XRCC4: variants seen among roughly 807,000 people sequenced by gnomAD.
The protein encoded by XRCC4 is X-ray repair cross complementing 4, also known as DNA repair protein XRCC4.
In XRCC4, 28 loss-of-function variants were observed where a neutral mutation model predicts 39.1. That is an observed-to-expected ratio of 0.72 (90% CI 0.53 to 0.98). The LOEUF (loss-of-function observed/expected upper bound fraction) is 0.98, where lower values mean the gene tolerates loss of function less well. XRCC4 is among the 50% of genes least tolerant of loss of function. The pLI, the probability that XRCC4 is intolerant of heterozygous loss-of-function variation, is 0.00. For missense variants in XRCC4, 350 were observed against 376.4 expected (o/e 0.93, Z 0.58); for synonymous variants, 123 against 126.4 (o/e 0.97, Z 0.18).
At chr5:83,190,399 A>C (rs2112681009) in intron 3 of XRCC4, among the ~76,000 whole-genome samples, 1 of 152,342 alleles carries the variant, frequency 6.6e-6, no homozygotes, top group East Asian at 1.9e-4. Context: ...TGATACAGCT[A>C]AATTTTTCTC....
intron 3 of XRCC4, among the ~76,000 whole-genome samples, chr5:83,180,780 A>G (rs538375645): frequency 2.0e-5 from 3 of 152,308 alleles, no homozygotes; most frequent in Non-Finnish European, 2.9e-5. Context: ...TTGATGAGCT[A>G]TGTTACCAGA....
At chr5:83,120,497 A>G (rs73142141) in intron 3 of XRCC4, among the ~76,000 whole-genome samples, 2,688 of 152,300 alleles carry the variant, frequency 0.018, 70 homozygotes, top group African/African-American at 0.062. Context: ...CTTTCGTTAT[A>G]GATCAGCTTT....
intron 7 of XRCC4, among the ~76,000 whole-genome samples, chr5:83,351,320 A>T (rs1757076211): frequency 6.6e-6 from 1 of 152,220 alleles, no homozygotes; most frequent in South Asian, 2.1e-4. Flanking sequence ...GGACTAATAC[A>T]TAGGGGCACA....
At chr5:83,365,487 A>T in the XRCC4 span, among the ~76,000 whole-genome samples, 1 of 152,162 alleles carries the variant, frequency 6.6e-6, no homozygotes, top group African/African-American at 2.4e-5. Context: ...TAGTGGAATG[A>T]TTTTCCACTT....
chr5:83,101,066 A>G (rs532515274), intron 1 of XRCC4, among the ~76,000 whole-genome samples: 2 of 152,188 alleles, frequency 1.3e-5, no homozygotes, highest in East Asian at 3.9e-4. Flanking sequence ...TTACATGCCT[A>G]ATTGATGGGG....
At chr5:83,360,554 A>C in the XRCC4 span, among the ~76,000 whole-genome samples, 1 of 152,148 alleles carries the variant, frequency 6.6e-6, no homozygotes, top group Admixed American at 6.6e-5. Flanking sequence ...AATGTGAATG[A>C]AATAACAATA....
intron 6 of XRCC4, among the ~76,000 whole-genome samples, chr5:83,239,761 G>A (rs556758572): frequency 4.3e-4 from 65 of 152,080 alleles, no homozygotes; most frequent in African/African-American, 1.2e-3. Context: ...CCCAGGAGGC[G>A]GAGCTTGCAG....
At chr5:83,287,547 G>A (rs538121291) in intron 7 of XRCC4, among the ~76,000 whole-genome samples, 5 of 151,974 alleles carry the variant, frequency 3.3e-5, no homozygotes, top group African/African-American at 1.2e-4. Flanking sequence ...ATGGAGAGAG[G>A]TATATAGAAA....
intron 7 of XRCC4, among the ~76,000 whole-genome samples, chr5:83,288,303 A>G (rs964811324): frequency 1.3e-5 from 2 of 151,912 alleles, no homozygotes; most frequent in Non-Finnish European, 2.9e-5. Context: ...GCTCTTCAGG[A>G]CAACTATATC....
intron 7 of XRCC4, among the ~76,000 whole-genome samples, chr5:83,261,787 G>A (rs375401196): frequency 6.6e-5 from 10 of 151,502 alleles, no homozygotes; most frequent in African/African-American, 2.2e-4. Flanking sequence ...ATATGATTTA[G>A]CAATAAAATA....
intron 2 of XRCC4, among the ~76,000 whole-genome samples, chr5:83,105,593 A>G (rs1428466985): frequency 2.0e-5 from 3 of 152,108 alleles, no homozygotes; most frequent in African/African-American, 7.2e-5. Flanking sequence ...GATTTTTTTA[A>G]CTCTTTGGTA....
At chr5:83,306,411 T>C (rs955461017) in intron 7 of XRCC4, among the ~76,000 whole-genome samples, 4 of 152,204 alleles carry the variant, frequency 2.6e-5, no homozygotes, top group African/African-American at 9.7e-5. Context: ...GAGAACATTA[T>C]TGAATTTCAT....
At position 83,337,644 on chromosome 5, in the gene XRCC4, A is replaced by G. The variant is rs564166673; in HGVS notation, c.894-15487A>G. 3.3e-5 allele frequency among the ~76,000 whole-genome samples: 5 copies of G among 152,278 alleles called. No homozygotes were observed. The South Asian group carries it at 1.0e-3, about 32-fold the overall frequency. On this transcript the variant is annotated intron_variant, in intron 7 of 7. Coordinates refer to ENST00000396027, the MANE Select transcript of XRCC4 (RefSeq NM_003401.5). ...TCTAGTGTTCTCAGCTAAGACACTAACACCTTGGAGCAAAGACAAGCCATC... is the reference window on the plus strand; with the variant it reads ...TCTAGTGTTCTCAGCTAAGACACTAGCACCTTGGAGCAAAGACAAGCCATC...
Position 83,149,625 on chromosome 5 carries a change from G to A in XRCC4, c.315+38422G>A, listed in dbSNP as rs545164298. Among the ~76,000 whole-genome samples, 8 of 152,198 alleles carry A rather than the reference G, an allele frequency of 5.3e-5. 2 individuals carry two copies. The South Asian group carries it at 1.7e-3, about 32-fold the overall frequency. On this transcript the variant is annotated intron_variant, in intron 3 of 7. Transcript: ENST00000396027. ...TTTGAAATATTTAGTTCAACTCAAT[G>A]TAGTATTTCATCAAAATAAGATGGT...
chr5:83,196,859 C>T (rs1008114829), intron 4 of XRCC4, among the ~76,000 whole-genome samples: 18 of 151,484 alleles, frequency 1.2e-4, no homozygotes, highest in Non-Finnish European at 2.5e-4. Context: ...TGTGATTGCT[C>T]TGTATAGACG....
At chr5:83,111,304 C>T (rs1746436728) in intron 3 of XRCC4, 101 bp downstream of exon 3, 1 of 930,862 alleles carries the variant, frequency 1.1e-6, no homozygotes, top group Non-Finnish European at 1.5e-6. Context: ...CCCAGAACAC[C>T]TCAGAAGCAA....
intron 3 of XRCC4, among the ~76,000 whole-genome samples, chr5:83,152,749 T>A (rs535057740): frequency 1.3e-5 from 2 of 152,152 alleles, no homozygotes; most frequent in South Asian, 4.2e-4. Flanking sequence ...AATTTTGACA[T>A]AATTGTAGAT....
Position 83,108,181 on chromosome 5 carries a change from A to G in XRCC4, c.140-2847A>G, listed in dbSNP as rs193072974. On this transcript the variant is annotated intron_variant, in intron 2 of 7. Coordinates refer to ENST00000396027, the MANE Select transcript of XRCC4 (RefSeq NM_003401.5). ...ATTCTTGCTGAATTTTATTATTTCC[A>G]TTGCCTTTATTCTTGGTCACTGAAG... Among the ~76,000 whole-genome samples, 10 of 151,864 alleles carry G rather than the reference A, an allele frequency of 6.6e-5. No individual in the cohort carries two copies. The East Asian group carries it at 1.7e-3, about 26-fold the overall frequency.
intron 3 of XRCC4, among the ~76,000 whole-genome samples, chr5:83,177,561 C>T (rs376732587): frequency 6.6e-5 from 10 of 151,730 alleles, no homozygotes; most frequent in South Asian, 6.3e-4. Context: ...GCCATTTCTG[C>T]ATGTAGCTTT....
Sources: allele counts gnomAD v4.1 joint callset (sites outside exome capture counted in the v4.1 genomes callset), GRCh38; gene constraint gnomAD v4.1.1; transcripts MANE v1.5; gene names NCBI Gene and HGNC (gene_info 2026-07-23, HGNC 2026-07-21).